LYPD6B: variants seen among roughly 807,000 people sequenced by gnomAD.
The protein encoded by LYPD6B is ly6/PLAUR domain-containing protein 6B.
A neutral mutation model predicts 22.8 loss-of-function variants in LYPD6B; 17 were observed. The ratio of observed to expected loss-of-function variants is 0.75; its 90% confidence interval spans 0.51 to 1.12. The LOEUF (loss-of-function observed/expected upper bound fraction) is 1.12. Among genes scored for constraint, LYPD6B ranks in the 50% most tolerant of loss-of-function variants. The probability of loss-of-function intolerance (pLI) is 0.00; values close to 1 mark genes in which losing one functional copy is unlikely to be tolerated. For synonymous variants in LYPD6B, 106 were observed against 91.6 expected (o/e 1.16, Z -0.90); for missense variants, 221 against 258.3 (o/e 0.86, Z 0.99).
chr2:149,106,132 G>A (rs991619880), intron 1 of LYPD6B, among the ~76,000 whole-genome samples: 21 of 151,956 alleles, frequency 1.4e-4, no homozygotes, highest in African/African-American at 4.3e-4. Context: ...TTGCATTCCT[G>A]TAGTAAAACC....
chr2:149,085,375 A>G (rs796581846), intron 1 of LYPD6B, among the ~76,000 whole-genome samples: 1 of 152,338 alleles, frequency 6.6e-6, no homozygotes, highest in African/African-American at 2.4e-5. Flanking sequence ...GTTGGTGGCA[A>G]TGCCCTTGCA....
At chr2:149,053,556 A>G (rs909927556) in intron 1 of LYPD6B, among the ~76,000 whole-genome samples, 41 of 152,362 alleles carry the variant, frequency 2.7e-4, no homozygotes, top group African/African-American at 9.4e-4. Flanking sequence ...ATATGAAAGT[A>G]TCTCACTGTT....
intron 3 of LYPD6B, among the ~76,000 whole-genome samples, chr2:149,196,688 A>G (rs1692832614): frequency 6.6e-6 from 1 of 152,264 alleles, no homozygotes; most frequent in East Asian, 1.9e-4. Flanking sequence ...TAAGCAATGA[A>G]TTCATTCAAT....
chr2:149,176,882 C>G (rs889097852), intron 3 of LYPD6B, among the ~76,000 whole-genome samples: 11 of 152,278 alleles, frequency 7.2e-5, no homozygotes, highest in African/African-American at 2.6e-4. Context: ...AGCAGCTATG[C>G]TTTAAACCAA....
At chr2:149,084,119 T>TAAA (rs1283797196) in intron 1 of LYPD6B, among the ~76,000 whole-genome samples, 1 of 151,054 alleles carries the variant, frequency 6.6e-6, no homozygotes, top group African/African-American at 2.5e-5. Context: ...TAAAATAAAA[T>TAAA]AAAACACTTT....
At chr2:149,048,639 T>C (rs375243054) in intron 1 of LYPD6B, among the ~76,000 whole-genome samples, 20 of 152,312 alleles carry the variant, frequency 1.3e-4, no homozygotes, top group African/African-American at 4.3e-4. Context: ...TGTTCTCCTT[T>C]GCCTCAGTTT....
At chr2:149,138,187 A>G (rs1688480673) in intron 2 of LYPD6B, among the ~76,000 whole-genome samples, 1 of 152,194 alleles carries the variant, frequency 6.6e-6, no homozygotes, top group Non-Finnish European at 1.5e-5. Context: ...CTGTTTGAAT[A>G]TATGGATTCA....
At chr2:149,162,298 C>T (rs915970238) in intron 3 of LYPD6B, among the ~76,000 whole-genome samples, 2 of 152,194 alleles carry the variant, frequency 1.3e-5, no homozygotes, top group African/African-American at 4.8e-5. Flanking sequence ...CTCACTCAAT[C>T]TGCACAGCAT....
rs1436780415 is a variant in LYPD6B, at chr2:149,112,092, TGGA to T, written c.-66-18786_-66-18784del. Among the ~76,000 whole-genome samples, 4 of 152,140 alleles carry T rather than the reference TGGA, an allele frequency of 2.6e-5. No individual in the cohort carries two copies. The East Asian group carries it at 7.7e-4, about 29-fold the overall frequency. The stretch of plus-strand genomic sequence containing the variant: ...TGATTGGAGTGGATTCAAGAGAGAA[TGGA>T]GGAGAGGAAGTGGCAACAGTGAGCA... On this transcript the variant is annotated intron_variant, in intron 1 of 6. Transcript: ENST00000409642.
At chr2:149,081,639 G>A (rs1435450092) in intron 1 of LYPD6B, among the ~76,000 whole-genome samples, 1 of 152,100 alleles carries the variant, frequency 6.6e-6, no homozygotes, top group Non-Finnish European at 1.5e-5. Flanking sequence ...CACACAGAAC[G>A]TATCTGGATC....
At chr2:149,170,019 T>C (rs1690713805) in intron 3 of LYPD6B, among the ~76,000 whole-genome samples, 1 of 152,224 alleles carries the variant, frequency 6.6e-6, no homozygotes, top group South Asian at 2.1e-4. Flanking sequence ...GCCTTGGACA[T>C]GGAAGCTGTG....
intron 5 of LYPD6B, among the ~76,000 whole-genome samples, chr2:149,210,964 G>A (rs1445514577): frequency 1.3e-5 from 2 of 152,162 alleles, no homozygotes; most frequent in Non-Finnish European, 2.9e-5. Context: ...TTGGCTTACG[G>A]TTCCATAGGC....
chr2:149,106,771 A>G (rs1434755154), intron 1 of LYPD6B, among the ~76,000 whole-genome samples: 1 of 151,678 alleles, frequency 6.6e-6, no homozygotes, highest in Non-Finnish European at 1.5e-5. Flanking sequence ...TCTGCTTTCT[A>G]TTTTATTTAT....
chr2:149,052,699 G>A (rs1382578176), intron 1 of LYPD6B, among the ~76,000 whole-genome samples: 1 of 152,202 alleles, frequency 6.6e-6, no homozygotes, highest in East Asian at 1.9e-4. Context: ...GAAGGGACTT[G>A]CTCAATTTGC....
intron 1 of LYPD6B, among the ~76,000 whole-genome samples, chr2:149,066,035 A>C (rs1346467206): frequency 6.6e-6 from 1 of 152,136 alleles, no homozygotes; most frequent in Non-Finnish European, 1.5e-5. Flanking sequence ...ATTTACAAAA[A>C]TAGGCTGCTA....
intron 1 of LYPD6B, among the ~76,000 whole-genome samples, chr2:149,078,184 C>A (rs1684961866): frequency 6.6e-6 from 1 of 152,202 alleles, no homozygotes. Context: ...CCATTTGTAG[C>A]AGCAGAAGAA....
intron 3 of LYPD6B, among the ~76,000 whole-genome samples, chr2:149,180,225 G>A (rs147932169): frequency 2.6e-5 from 4 of 152,328 alleles, no homozygotes; most frequent in Admixed American, 2.0e-4. Flanking sequence ...CAAAAAGACA[G>A]ATTTACTAGG....
intron 5 of LYPD6B, among the ~76,000 whole-genome samples, chr2:149,209,679 C>T (rs954025852): frequency 6.6e-6 from 1 of 152,188 alleles, no homozygotes; most frequent in Non-Finnish European, 1.5e-5. Flanking sequence ...CCAATAAATA[C>T]ATTGGAGACC....
In LYPD6B at chr2:149,214,814, G is replaced by T. The variant is rs746645697; in HGVS notation, c.*104G>T. ...GAAGATCAATCTTGCACTTGGTGAA[G>T]AGTGCACATTGGACCTCAAGGCGAA... On this transcript the variant is annotated 3_prime_UTR_variant, in exon 7 of 7. Transcript: ENST00000409642. 8.5e-5 allele frequency: 105 copies of T among 1,236,244 alleles called. No individual in the cohort carries two copies. The Admixed American group carries it at 9.7e-4, about 11-fold the overall frequency. The allele number at this position is 1,236,244 out of a possible 1,614,324, so 76.6% of individuals were successfully genotyped here. A position where few individuals can be genotyped will look rare whatever the true frequency, so the allele number is the denominator to read the frequency against.
Sources: allele counts gnomAD v4.1 joint callset (sites outside exome capture counted in the v4.1 genomes callset), GRCh38; gene constraint gnomAD v4.1.1; transcripts MANE v1.5; gene names NCBI Gene and HGNC (gene_info 2026-07-23, HGNC 2026-07-21).